The following FAM149B1 variants were observed in gnomAD, a reference collection of about 807,000 sequenced individuals.
FAM149B1 encodes family with sequence similarity 149 member B1, also known as primary cilium assembly protein FAM149B1.
Under a neutral mutation model 75.3 loss-of-function variants are expected in FAM149B1, and 56 were observed. The ratio of observed to expected loss-of-function variants is 0.74; its 90% CI spans 0.60 to 0.93. The LOEUF is 0.93. Among genes scored for constraint, FAM149B1 ranks in the 40% least tolerant of loss-of-function variants. The probability of loss-of-function intolerance (pLI) is 0.00; values close to 1 mark genes in which losing one functional copy is unlikely to be tolerated. For synonymous variants in FAM149B1, 259 were observed against 256.1 expected, an observed-to-expected ratio of 1.01 and a Z score of -0.11; for missense variants, 639 against 708.4, an observed-to-expected ratio of 0.90 and a Z score of 1.11.
intron 5 of FAM149B1, among the ~76,000 whole-genome samples, chr10:73,204,687 T>C (rs2043010959): frequency 6.6e-6 from 1 of 151,904 alleles, no homozygotes; most frequent in Non-Finnish European, 1.5e-5. Context: ...ATAAGGAGCA[T>C]ATATTTTGGG....
chr10:73,231,371 C>G (rs541740550), intron 9 of FAM149B1: 1 of 152,264 alleles, frequency 6.6e-6, no homozygotes, highest in Admixed American at 6.5e-5. Context: ...GGTCATAGCA[C>G]AGGTATATGT....
Position 73,198,905 on chromosome 10 carries a change from T to A in FAM149B1, c.542+5312T>A, listed in dbSNP as rs74664355. On this transcript the variant is annotated intron_variant, in intron 5 of 13. Coordinates refer to ENST00000242505, the MANE Select transcript of FAM149B1 (RefSeq NM_173348.2). ...TGGCCAACAAGTGCCTGAAAAGATG[T>A]TAGGCAGGAAGGGTAGCTCTTGGCC... 3.2e-3 allele frequency among the ~76,000 whole-genome samples: 481 copies of A among 152,298 alleles called. 5 individuals carry two copies. The highest frequency in any genetic ancestry group is 0.01 in the African/African-American group (435 of 41,560).
rs186430943 is a variant in FAM149B1, at chr10:73,191,747, A to C, written c.283-809A>C. Among the ~76,000 whole-genome samples the C allele has an allele frequency of 2.0e-5, 3 of 152,364 alleles. No individual in the cohort carries two copies. The East Asian group carries it at 5.8e-4, about 29-fold the overall frequency. On this transcript the variant is annotated intron_variant, in intron 3 of 13. Coordinates refer to ENST00000242505, the MANE Select transcript of FAM149B1 (RefSeq NM_173348.2). Reference sequence around the variant, plus strand: ...ATACACAGGGTTTTCCATCTAAAAAATAGTGAAACCAAGCAACTGTACTAA... The same window carrying C: ...ATACACAGGGTTTTCCATCTAAAAACTAGTGAAACCAAGCAACTGTACTAA...
chr10:73,180,899 C>A (rs2042379837), intron 3 of FAM149B1, among the ~76,000 whole-genome samples: 1 of 151,912 alleles, frequency 6.6e-6, no homozygotes, highest in Non-Finnish European at 1.5e-5. Context: ...TCTCCCCAAT[C>A]CTCACCCCCC....
At chr10:73,223,903 G>C (rs2043474315) in intron 7 of FAM149B1, among the ~76,000 whole-genome samples, 1 of 152,100 alleles carries the variant, frequency 6.6e-6, no homozygotes, top group Non-Finnish European at 1.5e-5. Context: ...ATAAACAAAG[G>C]AACTCCTTCC....
Position 73,168,321 on chromosome 10 carries a change from G to C in FAM149B1, c.-19G>C. On this transcript the variant is annotated 5_prime_UTR_variant, in exon 1 of 14. Transcript: ENST00000242505. ...CCCGGCCGCGGCTGAGGAGGAGGAG[G>C]AGGAGGAGGAGGAGGAGGATGATCT... is the stretch of plus-strand genomic sequence containing the variant. 3.2e-6 allele frequency: 5 copies of C among 1,548,330 alleles called. No homozygotes were observed. Among genetic ancestry groups the C allele is most frequent in the Non-Finnish European group, 4.4e-6 (5 of 1,146,360 alleles).
chr10:73,208,136 GAT>G (rs998196180), intron 5 of FAM149B1, among the ~76,000 whole-genome samples: 1 of 152,210 alleles, frequency 6.6e-6, no homozygotes, highest in Non-Finnish European at 1.5e-5. Context: ...CTGTCTTTGC[GAT>G]AGTGAGTTCC....
chr10:73,215,074 A>G (rs1465341739), intron 7 of FAM149B1, among the ~76,000 whole-genome samples: 3 of 151,934 alleles, frequency 2.0e-5, no homozygotes, highest in Non-Finnish European at 4.4e-5. Flanking sequence ...GTGCAGTGGC[A>G]TGATCTCGGC....
At chr10:73,223,378 G>C (rs1490148903) in intron 7 of FAM149B1, among the ~76,000 whole-genome samples, 1 of 152,010 alleles carries the variant, frequency 6.6e-6, no homozygotes, top group South Asian at 2.1e-4. Flanking sequence ...GTTATGTTTT[G>C]CTCGCAACAA....
At chr10:73,230,152 C>G (rs746363058) in intron 8 of FAM149B1, 100 of 326,770 alleles carry the variant, frequency 3.1e-4, no homozygotes, top group Non-Finnish European at 4.9e-4. Flanking sequence ...GGTCCTCACT[C>G]CCTGTAAGAG....
At chr10:73,227,469 A>G (rs989462034) in intron 7 of FAM149B1, among the ~76,000 whole-genome samples, 1 of 152,086 alleles carries the variant, frequency 6.6e-6, no homozygotes, top group Non-Finnish European at 1.5e-5. Context: ...GTCAATTCCA[A>G]TTTCTGAAGT....
intron 7 of FAM149B1, among the ~76,000 whole-genome samples, chr10:73,227,238 C>T (rs2043573121): frequency 6.6e-6 from 1 of 152,096 alleles, no homozygotes; most frequent in Admixed American, 6.6e-5. Context: ...AGGGCACGTG[C>T]CACCATGCCC....
chr10:73,243,312 GA>G lies in FAM149B1; in HGVS notation c.*2295del, dbSNP rs1271010327. ...GGAAAGACACCTTTTCTCAAGAGCTGAATTGACTTTTGCCTTCAAATCCTGC... is the reference window on the plus strand; with the variant it reads ...GGAAAGACACCTTTTCTCAAGAGCTGATTGACTTTTGCCTTCAAATCCTGC... On this transcript the variant is annotated 3_prime_UTR_variant, in exon 14 of 14. Transcript: ENST00000242505. 1 of 1,477,398 alleles carries G rather than the reference GA, an allele frequency of 6.8e-7. No individual in the cohort carries two copies. Among genetic ancestry groups the G allele is most frequent in the Non-Finnish European group, 9.3e-7 (1 of 1,079,022 alleles). 91.5% of individuals were successfully genotyped at this position (1,477,398 alleles called of 1,614,324 possible).
rs1286436808 is a variant in FAM149B1 at position 73,242,722 on chromosome 10, G to A, written c.*1703G>A. The A allele has an allele frequency of 6.6e-6, 1 of 152,122 alleles. No homozygotes were observed. The highest frequency in any genetic ancestry group is 1.9e-4 in the East Asian group (1 of 5,192). The allele number at this position is 152,122 out of a possible 1,614,324, so 9.4% of individuals were successfully genotyped here. A position where few individuals can be genotyped will look rare whatever the true frequency, so the allele number is the denominator to read the frequency against. ...GGGAAACCAGGCTCTCTATTATAAA[G>A]CTGACCAGGGCTATTGTTTTCCCCT... On this transcript the variant is annotated 3_prime_UTR_variant, in exon 14 of 14. Coordinates refer to ENST00000242505, the MANE Select transcript of FAM149B1 (RefSeq NM_173348.2).
At chr10:73,213,197 T>G (rs2043226407) in intron 7 of FAM149B1, among the ~76,000 whole-genome samples, 1 of 152,220 alleles carries the variant, frequency 6.6e-6, no homozygotes, top group Non-Finnish European at 1.5e-5. Context: ...TGTTTTCTTA[T>G]TGGGTTGAAA....
In FAM149B1 at chr10:73,239,231, A is replaced by C. The variant is rs938688367; in HGVS notation, c.1603-81A>C. The stretch of plus-strand genomic sequence containing the variant: ...ATGCCTTTTACCACTGTTGATTTCA[A>C]GGTGTTCCTGTGAACCTGCTAAAAT... On this transcript the variant is annotated intron_variant, in intron 12 of 13. Transcript: ENST00000242505. 30 of 1,187,034 alleles carry C rather than the reference A, an allele frequency of 2.5e-5. No homozygotes were observed. The African/African-American group carries it at 3.8e-4, about 15-fold the overall frequency. 73.5% of individuals were successfully genotyped at this position (1,187,034 alleles called of 1,614,324 possible). A position where few individuals can be genotyped will look rare whatever the true frequency, so the allele number is the denominator to read the frequency against.
intron 7 of FAM149B1, among the ~76,000 whole-genome samples, chr10:73,218,041 A>T (rs1402861789): frequency 6.6e-6 from 1 of 152,220 alleles, no homozygotes; most frequent in Non-Finnish European, 1.5e-5. Context: ...CTCCATCTGT[A>T]GATCTGTGAA....
intron 5 of FAM149B1, among the ~76,000 whole-genome samples, chr10:73,202,192 A>G (rs1476691609): frequency 6.6e-6 from 1 of 152,172 alleles, no homozygotes; most frequent in Admixed American, 6.5e-5. Context: ...AATAACATTT[A>G]CAAAGACAAC....
chr10:73,198,756 G>C (rs1266974198), intron 5 of FAM149B1, among the ~76,000 whole-genome samples: 1 of 152,148 alleles, frequency 6.6e-6, no homozygotes, highest in Non-Finnish European at 1.5e-5. Flanking sequence ...AGTGAGTCGA[G>C]TTCGCACCAT....
Sources: allele counts gnomAD v4.1 joint callset (sites outside exome capture counted in the v4.1 genomes callset), GRCh38; gene constraint gnomAD v4.1.1; transcripts MANE v1.5; gene names NCBI Gene and HGNC (gene_info 2026-07-23, HGNC 2026-07-21).